The following LHFPL3 variants were observed in gnomAD, a reference collection of about 807,000 sequenced individuals.
LHFPL3 encodes LHFPL tetraspan subfamily member 3, also known as LHFPL tetraspan subfamily member 3 protein.
LHFPL3 carries 5 observed loss-of-function variants against 19.3 expected under a neutral mutation model. The ratio of observed to expected loss-of-function variants is 0.26; its 90% CI spans 0.14 to 0.54. LHFPL3 has a LOEUF of 0.54. Among genes scored for constraint, LHFPL3 ranks in the 20% least tolerant of loss-of-function variants. The pLI, the probability that LHFPL3 is intolerant of heterozygous loss-of-function variation, is 0.94. For missense variants in LHFPL3, 249 were observed against 307.4 expected (o/e 0.81, Z 1.42); for synonymous variants, 133 against 126.2 (o/e 1.05, Z -0.36).
At chr7:104,514,278 C>A (rs553758203) in intron 1 of LHFPL3, among the ~76,000 whole-genome samples, 1 of 152,292 alleles carries the variant, frequency 6.6e-6, no homozygotes, top group Non-Finnish European at 1.5e-5. Flanking sequence ...AGATCTCATT[C>A]AGCCTTCACT....
chr7:104,332,122 T>TGGAAATCAAA (rs1292005014), intron 1 of LHFPL3, among the ~76,000 whole-genome samples: 1 of 152,022 alleles, frequency 6.6e-6, no homozygotes, highest in Non-Finnish European at 1.5e-5. Context: ...TATCCCTCAT[T>TGGAAATCAAA]GGAAATCAAA....
chr7:104,633,721 TATTTA>T (rs1039029683), intron 1 of LHFPL3, among the ~76,000 whole-genome samples: 23 of 152,372 alleles, frequency 1.5e-4, no homozygotes, highest in African/African-American at 5.5e-4. Context: ...TAGTGGGGGC[TATTTA>T]ATTTATCTTT....
At chr7:104,651,027 G>A (rs1245748533) in intron 1 of LHFPL3, among the ~76,000 whole-genome samples, 3 of 152,114 alleles carry the variant, frequency 2.0e-5, no homozygotes, top group Non-Finnish European at 4.4e-5. Context: ...GGGTCACCTC[G>A]GAGTACAGCA....
chr7:104,890,700 C>T (rs1189291500), intron 2 of LHFPL3, among the ~76,000 whole-genome samples: 1 of 152,208 alleles, frequency 6.6e-6, no homozygotes, highest in Non-Finnish European at 1.5e-5. Context: ...GCGGGGAAGC[C>T]AGGCTCTTCT....
chr7:104,371,818 C>T (rs534959007), intron 1 of LHFPL3, among the ~76,000 whole-genome samples: 1 of 152,262 alleles, frequency 6.6e-6, no homozygotes, highest in East Asian at 1.9e-4. Flanking sequence ...AGTGAGCTGT[C>T]TGGAATATGC....
At chr7:104,692,875 G>C (rs939002982) in intron 1 of LHFPL3, among the ~76,000 whole-genome samples, 10 of 152,194 alleles carry the variant, frequency 6.6e-5, no homozygotes, top group African/African-American at 1.9e-4. Context: ...TGTGAGAAGA[G>C]GGCTGTGATC....
At chr7:104,846,687 G>A (rs1791319462) in intron 2 of LHFPL3, among the ~76,000 whole-genome samples, 1 of 152,218 alleles carries the variant, frequency 6.6e-6, no homozygotes, top group South Asian at 2.1e-4. Flanking sequence ...CTCTCTGGAA[G>A]AGAATCTCTT....
chr7:104,871,226 C>T (rs752415585), intron 2 of LHFPL3, among the ~76,000 whole-genome samples: 1 of 152,204 alleles, frequency 6.6e-6, no homozygotes, highest in Non-Finnish European at 1.5e-5. Context: ...TCCTAGGCTG[C>T]AAACCCATAT....
chr7:104,567,756 C>G (rs1194048933), intron 1 of LHFPL3, among the ~76,000 whole-genome samples: 2 of 152,182 alleles, frequency 1.3e-5, no homozygotes, highest in Admixed American at 6.5e-5. Context: ...CAGGCTTGCA[C>G]CTGCTCCAGT....
At chr7:104,624,378 G>A (rs939949387) in intron 1 of LHFPL3, among the ~76,000 whole-genome samples, 1 of 152,198 alleles carries the variant, frequency 6.6e-6, no homozygotes, top group Non-Finnish European at 1.5e-5. Context: ...GAATCAGAAA[G>A]TTCCTCTAGA....
intron 2 of LHFPL3, among the ~76,000 whole-genome samples, chr7:104,757,325 G>A (rs1249300240): frequency 6.6e-6 from 1 of 152,074 alleles, no homozygotes; most frequent in Non-Finnish European, 1.5e-5. Context: ...GTCCTCAAAA[G>A]CAATTGCAAC....
At chr7:104,493,320 G>A (rs1181742769) in intron 1 of LHFPL3, among the ~76,000 whole-genome samples, 3 of 151,540 alleles carry the variant, frequency 2.0e-5, no homozygotes, top group Non-Finnish European at 4.4e-5. Context: ...CCAGGGAGTA[G>A]GGAGTATTTT....
intron 1 of LHFPL3, among the ~76,000 whole-genome samples, chr7:104,707,987 C>G (rs1200167661): frequency 6.6e-6 from 1 of 152,192 alleles, no homozygotes; most frequent in Non-Finnish European, 1.5e-5. Flanking sequence ...GGCCAAAGAC[C>G]TAGAATACAT....
chr7:104,405,600 A>C (rs570667830), intron 1 of LHFPL3, among the ~76,000 whole-genome samples: 2 of 152,342 alleles, frequency 1.3e-5, no homozygotes, highest in East Asian at 3.9e-4. Context: ...AGAAGGGGTA[A>C]GTAAATTGTC....
chr7:104,886,400 C>G (rs537955360), intron 2 of LHFPL3, among the ~76,000 whole-genome samples: 2 of 152,150 alleles, frequency 1.3e-5, no homozygotes, highest in Admixed American at 1.3e-4. Flanking sequence ...CAGTCTTGCT[C>G]TATCGCCAGG....
At chr7:104,560,988 A>G (rs868250666) in intron 1 of LHFPL3, among the ~76,000 whole-genome samples, 11,731 of 145,352 alleles carry the variant, frequency 0.081, 860 homozygotes, top group African/African-American at 0.23. Flanking sequence ...GTAGTTGAGC[A>G]GTTTTGAGTG....
At chr7:104,850,549 T>C (rs772052465) in intron 2 of LHFPL3, among the ~76,000 whole-genome samples, 2 of 152,138 alleles carry the variant, frequency 1.3e-5, no homozygotes, top group Non-Finnish European at 1.5e-5. Flanking sequence ...TCCAACACCC[T>C]GATGCAGAGG....
At position 104,491,038 on chromosome 7, in the gene LHFPL3, C is replaced by T. The variant is rs185204573; in HGVS notation, c.445+161814C>T. On this transcript the variant is annotated intron_variant, in intron 1 of 2. Transcript: ENST00000424859. Reference sequence around the variant, plus strand: ...TCTTGGAATCTAGATCTCAAGGGTGCAGGGTTTACTCCTAGAAGATCCTGG... The same window carrying T: ...TCTTGGAATCTAGATCTCAAGGGTGTAGGGTTTACTCCTAGAAGATCCTGG... 3.2e-3 allele frequency among the ~76,000 whole-genome samples: 486 copies of T among 152,186 alleles called. 3 individuals carry two copies. The highest frequency in any genetic ancestry group is 0.011 in the African/African-American group (454 of 41,520).
Position 104,662,166 on chromosome 7 carries a change from C to T in LHFPL3, c.446-74509C>T, listed in dbSNP as rs928847787. On this transcript the variant is annotated intron_variant, in intron 1 of 2. Coordinates refer to ENST00000424859, the MANE Select transcript of LHFPL3 (RefSeq NM_199000.3). ...TCAGACTGTGGTTCACTGCAGGTAA[C>T]TAAAACCATGGAAAGGGAAACCACA... is the stretch of plus-strand genomic sequence containing the variant. Among the ~76,000 whole-genome samples the T allele has an allele frequency of 4.6e-5, 7 of 152,116 alleles. No homozygotes were observed. The East Asian group carries it at 5.8e-4, about 13-fold the overall frequency.
Sources: gnomAD v4.1 joint callset for allele counts (sites outside exome capture counted in the v4.1 genomes callset) on GRCh38, gnomAD v4.1.1 for gene constraint, MANE v1.5 for transcripts, NCBI Gene and HGNC (gene_info 2026-07-23, HGNC 2026-07-21) for gene names.